KCTD16: variants seen among roughly 807,000 people sequenced by gnomAD.
KCTD16 encodes the protein BTB/POZ domain-containing protein KCTD16.
KCTD16 carries 13 observed loss-of-function variants against 33.2 expected under a neutral mutation model. The ratio of observed to expected loss-of-function variants is 0.39; its 90% CI spans 0.25 to 0.62. KCTD16 has a LOEUF of 0.62. Among genes scored for constraint, KCTD16 ranks in the 20% least tolerant of loss-of-function variants. KCTD16 has a pLI of 0.50. For synonymous variants in KCTD16, 197 were observed against 195.3 expected (o/e 1.01, Z -0.07); for missense variants, 441 against 525.1 (o/e 0.84, Z 1.57).
chr5:144,313,034 A>T (rs1345234393), intron 3 of KCTD16, among the ~76,000 whole-genome samples: 1 of 152,244 alleles, frequency 6.6e-6, no homozygotes, highest in Non-Finnish European at 1.5e-5. Context: ...GAAAAAACCA[A>T]ACGAAGAGTG....
intron 3 of KCTD16, among the ~76,000 whole-genome samples, chr5:144,209,840 T>TTATATGTGTATATATATACACATA (rs1753315058): frequency 6.9e-6 from 1 of 145,834 alleles, no homozygotes; most frequent in Admixed American, 6.9e-5. Context: ...ATATATATAT[T>TTATATGTGTATATATATACACATA]TATATGTGTA....
Position 144,483,853 on chromosome 5 carries a change from C to T in KCTD16, c.*9739C>T, listed in dbSNP as rs141849320. On this transcript the variant is annotated 3_prime_UTR_variant, in exon 4 of 4. Coordinates refer to ENST00000512467, the MANE Select transcript of KCTD16 (RefSeq NM_020768.4). Reference sequence around the variant, plus strand: ...GAAGCACTTGTAAACTAATTAAGCACGGTCACTGAATCCTTTTTTCACCAG... The same window carrying T: ...GAAGCACTTGTAAACTAATTAAGCATGGTCACTGAATCCTTTTTTCACCAG... The T allele has an allele frequency of 3.9e-5, 6 of 151,988 alleles. No individual in the cohort carries two copies. The East Asian group carries it at 9.7e-4, about 25-fold the overall frequency. The allele number at this position is 151,988 out of a possible 1,614,324, so 9.4% of individuals were successfully genotyped here.
At chr5:144,202,617 C>A (rs1333204614) in intron 2 of KCTD16, among the ~76,000 whole-genome samples, 3 of 152,050 alleles carry the variant, frequency 2.0e-5, no homozygotes, top group Non-Finnish European at 4.4e-5. Flanking sequence ...TTCTGAGGTT[C>A]CATTTAGATT....
intron 3 of KCTD16, among the ~76,000 whole-genome samples, chr5:144,313,536 A>G (rs1319512891): frequency 6.6e-6 from 1 of 152,224 alleles, no homozygotes; most frequent in Non-Finnish European, 1.5e-5. Context: ...AAGTGCAGCT[A>G]CAATTTTTTT....
At chr5:144,293,897 C>A (rs189374513) in intron 3 of KCTD16, among the ~76,000 whole-genome samples, 3 of 152,158 alleles carry the variant, frequency 2.0e-5, no homozygotes, top group African/African-American at 7.2e-5. Flanking sequence ...CGGTGGCTCA[C>A]GCCTGTAATC....
chr5:144,341,036 A>T (rs1324897330), intron 3 of KCTD16, among the ~76,000 whole-genome samples: 1 of 151,960 alleles, frequency 6.6e-6, no homozygotes, highest in Non-Finnish European at 1.5e-5. Flanking sequence ...CAAGAGCAAA[A>T]CTCTGTCTCA....
At chr5:144,328,251 A>G (rs1216052730) in intron 3 of KCTD16, among the ~76,000 whole-genome samples, 1 of 152,234 alleles carries the variant, frequency 6.6e-6, no homozygotes, top group African/African-American at 2.4e-5. Context: ...ACAATATTAA[A>G]GTCACACATT....
At chr5:144,327,999 T>C (rs1292612510) in intron 3 of KCTD16, among the ~76,000 whole-genome samples, 1 of 152,040 alleles carries the variant, frequency 6.6e-6, no homozygotes, top group Non-Finnish European at 1.5e-5. Context: ...GTAGATTAAC[T>C]CTACAAAATG....
At chr5:144,232,118 C>T (rs530070482) in intron 3 of KCTD16, among the ~76,000 whole-genome samples, 5 of 152,220 alleles carry the variant, frequency 3.3e-5, no homozygotes, top group South Asian at 2.1e-4. Context: ...CACCACACAA[C>T]GAAAGGACAA....
intron 3 of KCTD16, among the ~76,000 whole-genome samples, chr5:144,369,671 A>G (rs1228892580): frequency 1.3e-5 from 2 of 152,176 alleles, no homozygotes; most frequent in Non-Finnish European, 2.9e-5. Flanking sequence ...TTATAAGGAA[A>G]TAGCAAGTAG....
rs181375361 is a variant in KCTD16, at chr5:144,469,503, C to T, written c.833-4157C>T. 1.4e-4 allele frequency among the ~76,000 whole-genome samples: 22 copies of T among 152,280 alleles called. No homozygotes were observed. In the East Asian group the frequency reaches 4.1e-3, roughly 28 times the overall value. ...GATTTGTTTCCCTTATATGGAATAG[C>T]GTCAGCATTGTAGTAAAACAAAGAT... On this transcript the variant is annotated intron_variant, in intron 3 of 3. Transcript: ENST00000512467.
chr5:144,291,972 CTTAA>C (rs1259103665), intron 3 of KCTD16, among the ~76,000 whole-genome samples: 1 of 152,134 alleles, frequency 6.6e-6, no homozygotes, highest in Non-Finnish European at 1.5e-5. Flanking sequence ...GTTGCTAAAT[CTTAA>C]TTAGACTGCA....
intron 2 of KCTD16, chr5:144,205,629 C>G (rs1753147027): frequency 2.5e-6 from 1 of 398,518 alleles, no homozygotes; most frequent in South Asian, 1.3e-4. Flanking sequence ...GCTTCTAAGT[C>G]CTGGTACCTC....
intron 3 of KCTD16, among the ~76,000 whole-genome samples, chr5:144,249,963 T>C (rs1754651475): frequency 1.3e-5 from 2 of 152,182 alleles, no homozygotes; most frequent in Non-Finnish European, 2.9e-5. Flanking sequence ...GGTCTCAAAT[T>C]TTGCTGACTC....
At chr5:144,393,294 A>C (rs1752492139) in intron 3 of KCTD16, among the ~76,000 whole-genome samples, 1 of 152,102 alleles carries the variant, frequency 6.6e-6, no homozygotes, top group African/African-American at 2.4e-5. Flanking sequence ...TACTTCCTTT[A>C]CTCATTATTA....
At chr5:144,220,666 G>C (rs893966800) in intron 3 of KCTD16, among the ~76,000 whole-genome samples, 5 of 152,296 alleles carry the variant, frequency 3.3e-5, no homozygotes, top group African/African-American at 1.2e-4. Flanking sequence ...AAAGGGCCAG[G>C]TGCAGTGGCT....
chr5:144,450,567 A>G (rs1330507245), intron 3 of KCTD16, among the ~76,000 whole-genome samples: 1 of 152,100 alleles, frequency 6.6e-6, no homozygotes, highest in Non-Finnish European at 1.5e-5. Flanking sequence ...CAACAGATTA[A>G]TGGATAAAGA....
At chr5:144,412,515 A>G (rs993428744) in intron 3 of KCTD16, among the ~76,000 whole-genome samples, 1 of 152,192 alleles carries the variant, frequency 6.6e-6, no homozygotes, top group Non-Finnish European at 1.5e-5. Flanking sequence ...ATCAGAGGCT[A>G]GGAAGGGTAA....
At chr5:144,465,189 C>A (rs1445405212) in intron 3 of KCTD16, among the ~76,000 whole-genome samples, 1 of 113,112 alleles carries the variant, frequency 8.8e-6, no homozygotes, top group Non-Finnish European at 1.8e-5. Context: ...TCTCCCCCCC[C>A]TCTCTCTCTC....
Sources: allele counts gnomAD v4.1 joint callset (sites outside exome capture counted in the v4.1 genomes callset), GRCh38; gene constraint gnomAD v4.1.1; transcripts MANE v1.5; gene names NCBI Gene and HGNC (gene_info 2026-07-23, HGNC 2026-07-21).